STK32B: variants seen among roughly 807,000 people sequenced by gnomAD.
STK32B encodes serine/threonine-protein kinase 32B.
In STK32B, 43 loss-of-function variants were observed where a neutral mutation model predicts 52.6. That is an observed-to-expected ratio of 0.82 (90% CI 0.64 to 1.05). The LOEUF is 1.05. Ranked by LOEUF, STK32B falls within the 50% of genes least tolerant of loss-of-function variation. The probability of loss-of-function intolerance (pLI) is 0.00; values close to 1 mark genes in which losing one functional copy is unlikely to be tolerated. For missense variants in STK32B, 621 were observed against 534.6 expected, an observed-to-expected ratio of 1.16 and a Z score of -1.59; for synonymous variants, 238 against 204.3, an observed-to-expected ratio of 1.17 and a Z score of -1.41.
At chr4:5,024,178 C>T in the STK32B span, among the ~76,000 whole-genome samples, 216 of 152,298 alleles carry the variant, frequency 1.4e-3, 9 homozygotes, top group South Asian at 0.044. Context: ...TAACACTAAT[C>T]CAGATGTTAC....
intron 2 of STK32B, among the ~76,000 whole-genome samples, chr4:5,159,241 T>C (rs1448398216): frequency 1.3e-5 from 2 of 152,032 alleles, no homozygotes; most frequent in South Asian, 4.1e-4. Flanking sequence ...AGGAAACGTA[T>C]TTTGGAATCA....
the STK32B span, among the ~76,000 whole-genome samples, chr4:5,026,906 T>C: frequency 6.6e-6 from 1 of 152,210 alleles, no homozygotes; most frequent in Admixed American, 6.5e-5. Context: ...TTAGAAAACA[T>C]TGCACTAGAC....
At chr4:5,391,995 A>G (rs552903203) in intron 4 of STK32B, among the ~76,000 whole-genome samples, 69 of 152,358 alleles carry the variant, frequency 4.5e-4, no homozygotes, top group African/African-American at 1.2e-3. Context: ...CCACAGGGCC[A>G]TTAGGAGGAT....
At chr4:5,023,210 G>A in the STK32B span, among the ~76,000 whole-genome samples, 3 of 152,118 alleles carry the variant, frequency 2.0e-5, no homozygotes, top group Non-Finnish European at 4.4e-5. Flanking sequence ...TCTGAGCCCG[G>A]AATTGTAAGA....
intron 4 of STK32B, among the ~76,000 whole-genome samples, chr4:5,341,207 G>C (rs958151571): frequency 6.6e-6 from 1 of 152,142 alleles, no homozygotes; most frequent in African/African-American, 2.4e-5. Flanking sequence ...TGGTGTGGAT[G>C]AGGCAGCAGG....
chr4:5,276,400 G>A (rs1223116362), intron 3 of STK32B, among the ~76,000 whole-genome samples: 1 of 152,108 alleles, frequency 6.6e-6, no homozygotes, highest in African/African-American at 2.4e-5. Context: ...TCAGCAAGGG[G>A]CCCTCTCCTA....
intron 3 of STK32B, among the ~76,000 whole-genome samples, chr4:5,249,883 G>A (rs989460772): frequency 6.6e-6 from 1 of 152,142 alleles, no homozygotes; most frequent in Non-Finnish European, 1.5e-5. Flanking sequence ...CACAGTACTC[G>A]ATAGATGGTT....
At chr4:5,405,897 GTTC>G (rs1560386299) in intron 5 of STK32B, among the ~76,000 whole-genome samples, 2 of 152,088 alleles carry the variant, frequency 1.3e-5, no homozygotes, top group South Asian at 4.1e-4. Context: ...CAGATATCAT[GTTC>G]TTCTCACATT....
At chr4:5,430,561 ATTTC>A (rs1461870425) in intron 6 of STK32B, among the ~76,000 whole-genome samples, 1 of 152,016 alleles carries the variant, frequency 6.6e-6, no homozygotes, top group African/African-American at 2.4e-5. Flanking sequence ...GATTCTGTTA[ATTTC>A]TTTGTCTCTT....
chr4:5,178,077 A>C (rs917829958), intron 3 of STK32B, among the ~76,000 whole-genome samples: 4 of 152,194 alleles, frequency 2.6e-5, no homozygotes. Context: ...CTCTGCTCCC[A>C]CATTTCCCTT....
intron 4 of STK32B, among the ~76,000 whole-genome samples, chr4:5,338,702 G>A (rs560542276): frequency 6.6e-6 from 1 of 152,300 alleles, no homozygotes; most frequent in East Asian, 1.9e-4. Context: ...TGATTCACCA[G>A]ATTTCAGAAA....
chr4:5,478,483 G>A (rs1013302749), intron 11 of STK32B, among the ~76,000 whole-genome samples: 4 of 152,156 alleles, frequency 2.6e-5, no homozygotes, highest in Admixed American at 1.3e-4. Context: ...TCTGGCCAAA[G>A]GCTGTTATTG....
intron 11 of STK32B, among the ~76,000 whole-genome samples, chr4:5,490,426 G>A (rs977941024): frequency 1.3e-5 from 2 of 152,066 alleles, no homozygotes; most frequent in African/African-American, 4.8e-5. Context: ...GTCTTATGAA[G>A]GCTGTCAACC....
chr4:5,173,305 C>T (rs931110366), intron 3 of STK32B, among the ~76,000 whole-genome samples: 1 of 152,146 alleles, frequency 6.6e-6, no homozygotes, highest in Non-Finnish European at 1.5e-5. Flanking sequence ...CTATTTCCTT[C>T]AGTTCTGCTC....
At chr4:5,060,232 C>G (rs913403637) in intron 1 of STK32B, among the ~76,000 whole-genome samples, 4 of 152,168 alleles carry the variant, frequency 2.6e-5, no homozygotes, top group Non-Finnish European at 5.9e-5. Context: ...TCCCTAAGTA[C>G]TGGGATAACA....
At chr4:5,443,424 G>A (rs1170462100) in intron 6 of STK32B, among the ~76,000 whole-genome samples, 22 of 151,598 alleles carry the variant, frequency 1.5e-4, no homozygotes, top group South Asian at 6.3e-4. Context: ...CATTCTTCAC[G>A]TAGTTCTCGA....
chr4:5,212,508 C>A lies in STK32B; in HGVS notation c.260+44058C>A, dbSNP rs188523567. On this transcript the variant is annotated intron_variant, in intron 3 of 11. Coordinates refer to ENST00000282908, the MANE Select transcript of STK32B (RefSeq NM_018401.3). ...CGAAAACCGGAGATAAACCGCAGTC[C>A]CCACAAAGGTTTTCCTGCAGAAGCA... 6.2e-4 allele frequency among the ~76,000 whole-genome samples: 95 copies of A among 152,236 alleles called. 1 individual carries two copies. The highest frequency in any genetic ancestry group is 9.2e-4 in the Admixed American group (14 of 15,290).
chr4:5,081,620 A>G (rs1180641747), intron 1 of STK32B, among the ~76,000 whole-genome samples: 4 of 151,824 alleles, frequency 2.6e-5, no homozygotes, highest in African/African-American at 9.7e-5. Context: ...AAGACCTTTC[A>G]TCTAGCTCAA....
At chr4:5,283,743 C>G (rs1728362440) in intron 3 of STK32B, among the ~76,000 whole-genome samples, 1 of 152,114 alleles carries the variant, frequency 6.6e-6, no homozygotes, top group African/African-American at 2.4e-5. Context: ...ACCTGGCAAT[C>G]TTTAGAAATA....
Sources: allele counts gnomAD v4.1 joint callset (sites outside exome capture counted in the v4.1 genomes callset), GRCh38; gene constraint gnomAD v4.1.1; transcripts MANE v1.5; gene names NCBI Gene and HGNC (gene_info 2026-07-23, HGNC 2026-07-21).